The following CCDC157 variants were observed in gnomAD, a reference collection of about 807,000 sequenced individuals.
CCDC157 encodes the protein coiled-coil domain-containing protein 157.
CCDC157 carries 60 observed loss-of-function variants against 70.9 expected under a neutral mutation model. That is an observed-to-expected ratio of 0.85 (90% confidence interval 0.69 to 1.05). CCDC157 has a LOEUF of 1.05. CCDC157 is among the 50% of genes least tolerant of loss of function. The pLI is 0.00. For synonymous variants in CCDC157, 373 were observed against 422.4 expected (o/e 0.88, Z 1.43); for missense variants, 943 against 984.2 (o/e 0.96, Z 0.56).
rs1601738033 is a variant in CCDC157 at position 30,371,556 on chromosome 22, T to C, written c.1046-94T>C. ...CCGCAGGCGGCCCCTCTGCAGGCGA[T>C]GGGCTGCCTCCACTCCACGGGGCAC... On this transcript the variant is annotated intron_variant, in intron 5 of 11. Coordinates refer to ENST00000338306, the MANE Select transcript of CCDC157 (RefSeq NM_001017437.5). 5 of 1,063,568 alleles carry C rather than the reference T, an allele frequency of 4.7e-6. No homozygotes were observed. In the Admixed American group the frequency reaches 5.3e-5, roughly 11 times the overall value. The allele number at this position is 1,063,568 out of a possible 1,614,324, so 65.9% of individuals were successfully genotyped here. A position where few individuals can be genotyped will look rare whatever the true frequency, so the allele number is the denominator to read the frequency against.
intron 9 of CCDC157, 32 bp downstream of exon 9, chr22:30,374,123 C>T: frequency 1.3e-6 from 2 of 1,563,108 alleles, no homozygotes; most frequent in Non-Finnish European, 1.7e-6. Flanking sequence ...CAAGGGCATG[C>T]TGGGGCTCAG....
chr22:30,374,504 T>C (rs1254251641), intron 9 of CCDC157: 1 of 464,184 alleles, frequency 2.2e-6, no homozygotes, highest in East Asian at 6.8e-5. Context: ...CCCACTGTCC[T>C]GGACCCCATG....
intron 1 of CCDC157, among the ~76,000 whole-genome samples, chr22:30,359,632 A>G (rs933151461): frequency 6.6e-6 from 1 of 152,234 alleles, no homozygotes; most frequent in African/African-American, 2.4e-5. Context: ...TTCTGGTCCA[A>G]ATGGCCATGT....
At chr22:30,362,403 G>C (rs1364266053) in intron 2 of CCDC157, among the ~76,000 whole-genome samples, 1 of 152,236 alleles carries the variant, frequency 6.6e-6, no homozygotes, top group African/African-American at 2.4e-5. Flanking sequence ...CTTTCCTGAA[G>C]AGGGGATGTT....
At chr22:30,361,855 C>G (rs1302786141) in intron 1 of CCDC157, 106 bp from the exon 2 acceptor site, 4 of 152,524 alleles carry the variant, frequency 2.6e-5, no homozygotes, top group African/African-American at 9.7e-5. Context: ...TCCCCTCCTT[C>G]CTTCAGTCTG....
At chr22:30,376,032 AAAAG>A in intron 10 of CCDC157, 1 of 557,374 alleles carries the variant, frequency 1.8e-6, no homozygotes, top group East Asian at 3.0e-5. Context: ...TACAAAAAAA[AAAAG>A]AAGCCATGTC....
intron 9 of CCDC157, 155 bp downstream of exon 9, chr22:30,374,246 C>A: frequency 1.2e-6 from 1 of 854,986 alleles, no homozygotes; most frequent in Non-Finnish European, 1.8e-6. Flanking sequence ...GGACCCACCA[C>A]AGCACGCAAG....
In CCDC157 at chr22:30,370,760, C is replaced by T. The variant is rs760833855; in HGVS notation, c.855C>T (p.Arg285=). 1 of 1,613,586 alleles carries T rather than the reference C, an allele frequency of 6.2e-7. No individual in the cohort carries two copies. Among genetic ancestry groups the T allele is most frequent in the East Asian group, 2.2e-5 (1 of 44,888 alleles). ...CAGAGCAGAGGAAAGACCTGACGCG[C>T]CTCAGTAAGCATGTGGAGGCCCTCA... ...WAAEQRKDLT[R]LSKHVEALRA... is the part of the protein sequence containing the mutation. The change falls in exon 5 of 12, where the codon CGC becomes CGT. Residue 285 remains arginine, a synonymous_variant. Transcript: ENST00000338306.
At chr22:30,363,072 G>C (rs1379097754) in intron 2 of CCDC157, among the ~76,000 whole-genome samples, 1 of 152,182 alleles carries the variant, frequency 6.6e-6, no homozygotes, top group Non-Finnish European at 1.5e-5. Flanking sequence ...GGAGGAGCTG[G>C]AACTCAGCAT....
upstream of CCDC157, chr22:30,356,638 C>T: frequency 9.8e-7 from 1 of 1,020,114 alleles, no homozygotes; most frequent in Non-Finnish European, 1.3e-6. Flanking sequence ...TCCCTCCAAG[C>T]CCTTCATAGC....
intron 9 of CCDC157, chr22:30,374,533 C>A (rs1441650536): frequency 2.2e-6 from 1 of 460,088 alleles, no homozygotes; most frequent in Admixed American, 2.3e-5. Context: ...GTGCTAGGTA[C>A]CCATCTTGGC....
chr22:30,367,006 C>G (rs1367136721), intron 3 of CCDC157: 1 of 150,464 alleles, frequency 6.6e-6, no homozygotes, highest in Non-Finnish European at 1.5e-5. Flanking sequence ...TGCAGTGAAC[C>G]AAGATCACAC....
intron 2 of CCDC157, among the ~76,000 whole-genome samples, chr22:30,363,872 A>T (rs1932532399): frequency 6.6e-6 from 1 of 151,980 alleles, no homozygotes; most frequent in African/African-American, 2.4e-5. Context: ...ATTTTTGTAG[A>T]GATGGGGTTT....
chr22:30,356,889 G>A (rs1356753655), upstream of CCDC157: 6 of 1,093,244 alleles, frequency 5.5e-6, no homozygotes, highest in African/African-American at 3.2e-5. Flanking sequence ...GAGCTCGCAA[G>A]ATGGCGGCGG....
intron 1 of CCDC157, among the ~76,000 whole-genome samples, chr22:30,358,112 AAGCGGGG>A (rs1388248611): frequency 6.6e-6 from 1 of 152,190 alleles, no homozygotes; most frequent in Non-Finnish European, 1.5e-5. Flanking sequence ...CAACTCTGGA[AAGCGGGG>A]AGCTGGCTCC....
intron 2 of CCDC157, among the ~76,000 whole-genome samples, chr22:30,365,458 G>T (rs776823022): frequency 6.6e-6 from 1 of 152,154 alleles, no homozygotes; most frequent in Non-Finnish European, 1.5e-5. Context: ...ACTGTGGCCA[G>T]CATGACATGG....
chr22:30,360,567 G>A (rs998949123), intron 1 of CCDC157, among the ~76,000 whole-genome samples: 1 of 151,950 alleles, frequency 6.6e-6, no homozygotes, highest in Non-Finnish European at 1.5e-5. Context: ...AAAGAAACAA[G>A]GAGATCTGTG....
intron 10 of CCDC157, chr22:30,376,016 C>T (rs1363139253): frequency 9.2e-6 from 5 of 544,784 alleles, no homozygotes; most frequent in East Asian, 3.0e-5. Flanking sequence ...AATGGGACCC[C>T]GTTTCTACAA....
chr22:30,374,757 A>G (rs1362298181), intron 9 of CCDC157: 1 of 456,234 alleles, frequency 2.2e-6, no homozygotes, highest in African/African-American at 2.0e-5. Context: ...CAGAAGGGGC[A>G]GCAATTCTCC....
Sources: allele counts gnomAD v4.1 joint callset (sites outside exome capture counted in the v4.1 genomes callset), GRCh38; gene constraint gnomAD v4.1.1; transcripts MANE v1.5; gene names NCBI Gene and HGNC (gene_info 2026-07-23, HGNC 2026-07-21).